The following NDUFA3 variants were observed in gnomAD, a reference collection of about 807,000 sequenced individuals.
NDUFA3 encodes NADH dehydrogenase [ubiquinone] 1 alpha subcomplex subunit 3.
NDUFA3 carries 10 observed loss-of-function variants against 11.4 expected under a neutral mutation model. That is an observed-to-expected ratio of 0.87 (90% CI 0.54 to 1.48). The LOEUF (loss-of-function observed/expected upper bound fraction) is 1.48. Ranked by LOEUF, NDUFA3 falls within the 40% of genes most tolerant of loss-of-function variation. The pLI is 0.00. For missense variants in NDUFA3, 115 were observed against 110.5 expected (o/e 1.04, Z -0.18); for synonymous variants, 39 against 46.9 (o/e 0.83, Z 0.68).
rs1323214263 is a variant in NDUFA3, at chr19:54,106,685, C to T, written c.164-126C>T. 8.8e-6 allele frequency: 6 copies of T among 683,492 alleles called. No homozygotes were observed. The Admixed American group carries it at 1.4e-4, about 15-fold the overall frequency. The allele number at this position is 683,492 out of a possible 1,614,324, so 42.3% of individuals were successfully genotyped here. A position where few individuals can be genotyped will look rare whatever the true frequency, so the allele number is the denominator to read the frequency against. On this transcript the variant is annotated intron_variant, in intron 3 of 3. Coordinates refer to ENST00000485876, the MANE Select transcript of NDUFA3 (RefSeq NM_004542.4). ...CCCGCCTCTTTCTGCATCACTGATT[C>T]TCTGACCCTTCCCCTCTCACCCCTG...
chr19:54,105,168 C>T (rs2073215700), intron 2 of NDUFA3, among the ~76,000 whole-genome samples: 1 of 152,052 alleles, frequency 6.6e-6, no homozygotes, highest in South Asian at 2.1e-4. Flanking sequence ...CTTTTATGAA[C>T]TGTACCCCAT....
chr19:54,105,263 G>GATTT (rs1201834834), intron 2 of NDUFA3, among the ~76,000 whole-genome samples: 1 of 38,998 alleles, frequency 2.6e-5, no homozygotes, highest in Non-Finnish European at 5.4e-5. Flanking sequence ...AGTTTGTAAG[G>GATTT]CTTTTTTTTT....
At position 54,107,095 on chromosome 19, in the gene NDUFA3, G is replaced by A; in HGVS notation, c.*193G>A. Reference sequence around the variant, plus strand: ...CCAGGGTCGGGTAGGGCAGCAGTTTGTCTGGACCCCGAGAAACCCAACTGG... The same window carrying A: ...CCAGGGTCGGGTAGGGCAGCAGTTTATCTGGACCCCGAGAAACCCAACTGG... On this transcript the variant is annotated 3_prime_UTR_variant, in exon 4 of 4. Coordinates refer to ENST00000485876, the MANE Select transcript of NDUFA3 (RefSeq NM_004542.4). 1.9e-6 allele frequency: 3 copies of A among 1,613,898 alleles called. No individual in the cohort carries two copies. Among genetic ancestry groups the A allele is most frequent in the Non-Finnish European group, 2.5e-6 (3 of 1,179,970 alleles).
chr19:54,106,440 A>G (rs2073262868), intron 3 of NDUFA3: 2 of 346,452 alleles, frequency 5.8e-6, no homozygotes, highest in Non-Finnish European at 1.1e-5. Context: ...AAGTGCTGGG[A>G]TTACAGGTGT....
At chr19:54,106,764 G>A in intron 3 of NDUFA3, 47 bp from the exon 4 acceptor site, 1 of 1,506,360 alleles carries the variant, frequency 6.6e-7, no homozygotes, top group Non-Finnish European at 9.0e-7. Flanking sequence ...TTCTCTCCAG[G>A]GCCCTGGAGA....
At chr19:54,105,825 T>G in intron 2 of NDUFA3, 109 bp from the exon 3 acceptor site, 1 of 906,216 alleles carries the variant, frequency 1.1e-6, no homozygotes, top group Non-Finnish European at 1.8e-6. Flanking sequence ...TGGCCCTCCC[T>G]GCTGCCCTCC....
Position 54,106,906 on chromosome 19 carries a change from C to T in NDUFA3, c.*4C>T. ...GGAGTGGCTGAAGAAACTGTGAGCA[C>T]CTCCACTGACAGAGGCGGCCCCTCC... is the stretch of plus-strand genomic sequence containing the variant. On this transcript the variant is annotated 3_prime_UTR_variant, in exon 4 of 4. Transcript: ENST00000485876. The T allele has an allele frequency of 6.2e-7, 1 of 1,609,484 alleles. No homozygotes were observed. Among genetic ancestry groups the T allele is most frequent in the African/African-American group, 1.3e-5 (1 of 74,644 alleles).
chr19:54,105,661 C>T, intron 2 of NDUFA3: 1 of 675,394 alleles, frequency 1.5e-6, no homozygotes, highest in Admixed American at 2.1e-5. Flanking sequence ...GTGCTCATTC[C>T]ATGACCAACC....
chr19:54,106,296 A>G, intron 3 of NDUFA3: 1 of 454,544 alleles, frequency 2.2e-6, no homozygotes, highest in Non-Finnish European at 3.9e-6. Flanking sequence ...CCTCCCGAGT[A>G]GCTGGGACTA....
chr19:54,102,990 G>T, intron 1 of NDUFA3, 102 bp downstream of exon 1: 1 of 1,544,050 alleles, frequency 6.5e-7, no homozygotes, highest in South Asian at 1.2e-5. Context: ...AAGCGATGGG[G>T]TCCGTGCTGG....
In NDUFA3 at chr19:54,107,325, T is replaced by A. The variant is rs1419799014; in HGVS notation, c.*423T>A. On this transcript the variant is annotated 3_prime_UTR_variant, in exon 4 of 4. Transcript: ENST00000485876. ...GTGCAGTGGTGCCATCATAGTTCAC[T>A]GCAGCCTCTGCCTCCCAGGCTCAAG... 1 of 963,422 alleles carries A rather than the reference T, an allele frequency of 1.0e-6. No homozygotes were observed. The highest frequency in any genetic ancestry group is 1.5e-6 in the Non-Finnish European group (1 of 656,340). The allele number at this position is 963,422 out of a possible 1,614,324, so 59.7% of individuals were successfully genotyped here. A position where few individuals can be genotyped will look rare whatever the true frequency, so the allele number is the denominator to read the frequency against.
At position 54,107,502 on chromosome 19, in the gene NDUFA3, G is replaced by A. The variant is rs2073305438; in HGVS notation, c.*600G>A. The A allele has an allele frequency of 3.0e-6, 1 of 328,074 alleles. No homozygotes were observed. Among genetic ancestry groups the A allele is most frequent in the African/African-American group, 2.2e-5 (1 of 46,116 alleles). The allele number at this position is 328,074 out of a possible 1,614,324, so 20.3% of individuals were successfully genotyped here. A position where few individuals can be genotyped will look rare whatever the true frequency, so the allele number is the denominator to read the frequency against. ...GGCCTCAAGTGATCCTCCCACCTAG[G>A]CCTCCCAAAGTGCCGGGATTACAGG... is the stretch of plus-strand genomic sequence containing the variant. On this transcript the variant is annotated 3_prime_UTR_variant, in exon 4 of 4. Transcript: ENST00000485876.
At chr19:54,104,491 T>C (rs587775427) in intron 2 of NDUFA3, among the ~76,000 whole-genome samples, 2 of 152,142 alleles carry the variant, frequency 1.3e-5, no homozygotes, top group South Asian at 4.2e-4. Context: ...TTTTGAAGAG[T>C]TCCCAGGTCT....
At chr19:54,105,577 A>G (rs1490507926) in intron 2 of NDUFA3, 3 of 472,536 alleles carry the variant, frequency 6.3e-6, no homozygotes, top group Non-Finnish European at 1.3e-5. Flanking sequence ...CCAAATTTGT[A>G]ACAGTCTTGA....
chr19:54,105,120 T>C (rs1468661775), intron 2 of NDUFA3, among the ~76,000 whole-genome samples: 1 of 152,138 alleles, frequency 6.6e-6, no homozygotes, highest in Non-Finnish European at 1.5e-5. Flanking sequence ...TATACCTGGC[T>C]CTTACCATCT....
Position 54,106,900 on chromosome 19 carries a change from T to C in NDUFA3, c.253T>C (p.Ter85ArgextTer24), listed in dbSNP as rs200345458. 9.7e-5 allele frequency: 156 copies of C among 1,611,474 alleles called. No individual in the cohort carries two copies. The highest frequency in any genetic ancestry group is 1.3e-4 in the Non-Finnish European group (151 of 1,179,310). The part of the protein sequence containing the change: ...GPSLEWLKKL[*>R] ...CAGCCTGGAGTGGCTGAAGAAACTG[T>C]GAGCACCTCCACTGACAGAGGCGGC... Residue 85 changes from the stop codon to arginine, a stop_lost, in exon 4 of 4, where the codon TGA becomes CGA. Transcript: ENST00000485876.
intron 2 of NDUFA3, among the ~76,000 whole-genome samples, chr19:54,105,264 C>CT (rs796770972): frequency 0.018 from 1,258 of 71,216 alleles, 88 homozygotes; most frequent in African/African-American, 0.045. Flanking sequence ...GTTTGTAAGG[C>CT]TTTTTTTTTT....
chr19:54,105,656 C>A, intron 2 of NDUFA3: 1 of 669,688 alleles, frequency 1.5e-6, no homozygotes, highest in Non-Finnish European at 2.8e-6. Flanking sequence ...CAAACGTGCT[C>A]ATTCCATGAC....
At position 54,107,032 on chromosome 19, in the gene NDUFA3, C is replaced by G. The variant is rs587610124; in HGVS notation, c.*130C>G. ...ACGGTGGCCGGGGTGAGTGTGGGGTCAGTTTATTGGGCATGCGTCAGTCAG... is the reference window on the plus strand; with the variant it reads ...ACGGTGGCCGGGGTGAGTGTGGGGTGAGTTTATTGGGCATGCGTCAGTCAG... On this transcript the variant is annotated 3_prime_UTR_variant, in exon 4 of 4. Coordinates refer to ENST00000485876, the MANE Select transcript of NDUFA3 (RefSeq NM_004542.4). 6.2e-7 allele frequency: 1 copy of G among 1,612,060 alleles called. No individual in the cohort carries two copies. The highest frequency in any genetic ancestry group is 1.3e-5 in the African/African-American group (1 of 74,808).
Sources: gnomAD v4.1 joint callset for allele counts (sites outside exome capture counted in the v4.1 genomes callset) on GRCh38, gnomAD v4.1.1 for gene constraint, MANE v1.5 for transcripts, NCBI Gene and HGNC (gene_info 2026-07-23, HGNC 2026-07-21) for gene names.